The following KANSL1 variants were observed in gnomAD, a reference collection of about 807,000 sequenced individuals.
KANSL1 encodes the protein MLL1/MLL complex subunit KANSL1.
In KANSL1, 22 loss-of-function variants were observed where a neutral mutation model predicts 103.6. That is an observed-to-expected ratio of 0.21 (90% CI 0.15 to 0.30). KANSL1 has a LOEUF of 0.30. Ranked by LOEUF, KANSL1 falls within the 10% of genes least tolerant of loss-of-function variation. The pLI is 1.00. For synonymous variants in KANSL1, 600 were observed against 527.6 expected (o/e 1.14, Z -1.88); for missense variants, 1,337 against 1,399.8 (o/e 0.96, Z 0.72).
At chr17:46,043,367 A>C (rs1262307754) in intron 7 of KANSL1, 3 of 152,166 alleles carry the variant, frequency 2.0e-5, no homozygotes, top group Non-Finnish European at 4.4e-5. Context: ...CAATGACTAG[A>C]AACAAGTAGG....
intron 6 of KANSL1, among the ~76,000 whole-genome samples, chr17:46,064,053 T>TAAAAAAAA: frequency 9.5e-6 from 1 of 105,728 alleles, no homozygotes; most frequent in Non-Finnish European, 1.9e-5. Context: ...CGACTATTAG[T>TAAAAAAAA]AAAAAAAAAA....
Position 46,038,764 on chromosome 17 carries a change from A to G in KANSL1, c.2393-78T>C, listed in dbSNP as rs904715136. 5.9e-5 allele frequency: 93 copies of G among 1,566,390 alleles called. 1 individual carries two copies. Among genetic ancestry groups the G allele is most frequent in the Non-Finnish European group, 7.8e-5 (89 of 1,143,854 alleles). On this transcript the variant is annotated intron_variant, in intron 9 of 14. Coordinates refer to ENST00000432791, the MANE Select transcript of KANSL1 (RefSeq NM_015443.4). ...ACTTCTAACACAAGCTTGGAATGGC[A>G]GCAATACATACTAAAGGCAAAAATG...
At chr17:46,191,007 T>C (rs1209109787) in intron 1 of KANSL1, among the ~76,000 whole-genome samples, 4 of 152,244 alleles carry the variant, frequency 2.6e-5, no homozygotes, top group African/African-American at 7.2e-5. Context: ...GATCAATGCA[T>C]ACTCAAGAAC....
chr17:46,161,038 A>C (rs969363895), intron 2 of KANSL1, among the ~76,000 whole-genome samples: 1 of 152,196 alleles, frequency 6.6e-6, no homozygotes, highest in Admixed American at 6.5e-5. Context: ...CTAAAGAGCT[A>C]AAAACAATTC....
At chr17:46,178,225 C>G (rs2046621582) in intron 1 of KANSL1, among the ~76,000 whole-genome samples, 1 of 151,532 alleles carries the variant, frequency 6.6e-6, no homozygotes, top group South Asian at 2.1e-4. Context: ...AAGCTCAGGG[C>G]TAAAGGAAAA....
At chr17:46,158,577 A>G (rs1320844782) in intron 2 of KANSL1, among the ~76,000 whole-genome samples, 2 of 151,984 alleles carry the variant, frequency 1.3e-5, no homozygotes, top group Non-Finnish European at 2.9e-5. Flanking sequence ...GTCTCGCTCT[A>G]TCGCCCAGGC....
At chr17:46,167,031 G>A (rs2696684) in intron 2 of KANSL1, among the ~76,000 whole-genome samples, 21,826 of 150,662 alleles carry the variant, frequency 0.14, 2,143 homozygotes, top group Middle Eastern at 0.22. Flanking sequence ...AAAAAATTTC[G>A]GGGACAGAGA....
chr17:46,171,945 G>T lies in KANSL1; in HGVS notation c.199C>A (p.Pro67Thr). 3 of 1,614,262 alleles carry T rather than the reference G, an allele frequency of 1.9e-6. No individual in the cohort carries two copies. The highest frequency in any genetic ancestry group is 2.5e-6 in the Non-Finnish European group (3 of 1,180,052). Residue 67 changes from proline (P) to threonine (T), a missense_variant, in exon 2 of 15, where the codon CCT becomes ACT. Coordinates refer to ENST00000432791, the MANE Select transcript of KANSL1 (RefSeq NM_015443.4). The part of the protein sequence containing the change: ...EDPSLDFRNN[P>T]TKEDLGKLQP... The stretch of plus-strand genomic sequence containing the variant: ...AGCTTTCCCAAGTCTTCCTTGGTAG[G>T]ATTATTTCGGAAATCTAGGCTGGGA...
chr17:46,152,992 T>C (rs2045205748), intron 2 of KANSL1: 1 of 152,268 alleles, frequency 6.6e-6, no homozygotes, highest in South Asian at 2.1e-4. Flanking sequence ...CACCAGGTCA[T>C]GAGCACATCT....
chr17:46,180,406 G>A lies in KANSL1; in HGVS notation c.-89-8174C>T, dbSNP rs187285341. 1.4e-4 allele frequency among the ~76,000 whole-genome samples: 22 copies of A among 152,272 alleles called. 1 individual carries two copies. In the East Asian group the frequency reaches 3.7e-3, roughly 25 times the overall value. Reference sequence around the variant, plus strand: ...CCAGCTGCTCGGGAAGCTGTGGTAGGAGAATCGCTGAAACCTGAGCGGCAG... The same window carrying A: ...CCAGCTGCTCGGGAAGCTGTGGTAGAAGAATCGCTGAAACCTGAGCGGCAG... On this transcript the variant is annotated intron_variant, in intron 1 of 14. Coordinates refer to ENST00000432791, the MANE Select transcript of KANSL1 (RefSeq NM_015443.4).
At chr17:46,177,627 G>A (rs1391111077) in intron 1 of KANSL1, among the ~76,000 whole-genome samples, 1 of 152,034 alleles carries the variant, frequency 6.6e-6, no homozygotes, top group Non-Finnish European at 1.5e-5. Flanking sequence ...AAAGTCATTG[G>A]TTAAGATTCT....
chr17:46,031,971 C>G, intron 14 of KANSL1, 76 bp downstream of exon 14: 1 of 1,602,354 alleles, frequency 6.2e-7, no homozygotes, highest in Non-Finnish European at 8.5e-7. Context: ...GGCTAGGTCC[C>G]TCTTCAGCAG....
intron 6 of KANSL1, among the ~76,000 whole-genome samples, chr17:46,061,097 C>CA (rs953527637): frequency 2.0e-5 from 3 of 152,078 alleles, no homozygotes; most frequent in Non-Finnish European, 4.4e-5. Context: ...GTTATTAGTA[C>CA]AAAAAAACCC....
At chr17:46,206,296 C>T (rs993767073) in intron 1 of KANSL1, among the ~76,000 whole-genome samples, 7 of 152,170 alleles carry the variant, frequency 4.6e-5, no homozygotes, top group African/African-American at 1.7e-4. Context: ...CTATGGAAAT[C>T]AAGACAGTGT....
intron 2 of KANSL1, among the ~76,000 whole-genome samples, chr17:46,137,709 T>A (rs112277723): frequency 3.3e-5 from 5 of 151,238 alleles, no homozygotes; most frequent in East Asian, 1.9e-4. Flanking sequence ...TAAAAAAAAA[T>A]ACAAAAAATT....
At chr17:46,064,914 G>A (rs1027914660) in intron 6 of KANSL1, among the ~76,000 whole-genome samples, 3 of 150,842 alleles carry the variant, frequency 2.0e-5, no homozygotes, top group African/African-American at 4.9e-5. Flanking sequence ...TAAGTTTTAG[G>A]GTACATGTGC....
chr17:46,032,705 G>A, intron 13 of KANSL1: 1 of 334,290 alleles, frequency 3.0e-6, no homozygotes, highest in Non-Finnish European at 5.4e-6. Context: ...TTAAGGGGGG[G>A]CAGTTTCTTC....
At chr17:46,061,182 C>T (rs2078145513) in intron 6 of KANSL1, among the ~76,000 whole-genome samples, 1 of 152,070 alleles carries the variant, frequency 6.6e-6, no homozygotes, top group South Asian at 2.1e-4. Flanking sequence ...TAATGGTCCA[C>T]AGTAAATTGA....
chr17:46,208,616 CAAAA>C (rs149187563), intron 1 of KANSL1, among the ~76,000 whole-genome samples: 11 of 81,202 alleles, frequency 1.4e-4, no homozygotes, highest in Non-Finnish European at 1.1e-4. Flanking sequence ...GACCCTGTCT[CAAAA>C]AAAAAAAAAA....
Sources: gnomAD v4.1 joint callset for allele counts (sites outside exome capture counted in the v4.1 genomes callset) on GRCh38, gnomAD v4.1.1 for gene constraint, MANE v1.5 for transcripts, NCBI Gene and HGNC (gene_info 2026-07-23, HGNC 2026-07-21) for gene names.